Variants in TEX36 observed in about 807,000 individuals in gnomAD.
The protein encoded by TEX36 is testis-expressed protein 36.
In TEX36, 12 loss-of-function variants were observed where a neutral mutation model predicts 13.6. That is an observed-to-expected ratio of 0.88 (90% CI 0.56 to 1.43). The LOEUF is 1.43. Ranked by LOEUF, TEX36 falls within the 40% of genes most tolerant of loss-of-function variation. The probability of loss-of-function intolerance (pLI) is 0.00; values close to 1 mark genes in which losing one functional copy is unlikely to be tolerated. For synonymous variants in TEX36, 93 were observed against 83.0 expected, an observed-to-expected ratio of 1.12 and a Z score of -0.65; for missense variants, 224 against 228.3, an observed-to-expected ratio of 0.98 and a Z score of 0.12.
At chr10:125,637,718 A>T (rs964712197) in intron 3 of TEX36, among the ~76,000 whole-genome samples, 1 of 151,686 alleles carries the variant, frequency 6.6e-6, no homozygotes, top group Non-Finnish European at 1.5e-5. Flanking sequence ...GTCCAGTGGG[A>T]CCCCTGTGGT....
chr10:125,619,185 T>C (rs1457612700), downstream of TEX36, among the ~76,000 whole-genome samples: 1 of 151,998 alleles, frequency 6.6e-6, no homozygotes, highest in Non-Finnish European at 1.5e-5. Context: ...GAATATCCGT[T>C]ATTGGTTGAG....
intron 3 of TEX36, among the ~76,000 whole-genome samples, chr10:125,598,966 T>C (rs947525033): frequency 6.6e-6 from 1 of 152,178 alleles, no homozygotes; most frequent in Non-Finnish European, 1.5e-5. Flanking sequence ...TATTTTTCCA[T>C]AAATTGGAAA....
downstream of TEX36, among the ~76,000 whole-genome samples, chr10:125,651,834 G>A (rs550321929): frequency 6.6e-6 from 1 of 152,296 alleles, no homozygotes; most frequent in African/African-American, 2.4e-5. Flanking sequence ...AAAATCACAA[G>A]CATTCCTATA....
intron 3 of TEX36, among the ~76,000 whole-genome samples, chr10:125,577,278 C>A (rs1056254416): frequency 6.6e-6 from 1 of 152,156 alleles, no homozygotes; most frequent in African/African-American, 2.4e-5. Flanking sequence ...AGGAGGATTG[C>A]TTGAGCCCAG....
downstream of TEX36, among the ~76,000 whole-genome samples, chr10:125,618,651 G>C (rs370717902): frequency 4.6e-5 from 7 of 152,166 alleles, no homozygotes; most frequent in East Asian, 1.4e-3. Context: ...CTGCCTCCCA[G>C]CTCCACAGCC....
downstream of TEX36, among the ~76,000 whole-genome samples, chr10:125,653,099 A>G (rs570457912): frequency 9.2e-5 from 14 of 152,332 alleles, no homozygotes; most frequent in African/African-American, 2.4e-4. Flanking sequence ...AGGATGTAGA[A>G]CTAGAAATAC....
chr10:125,609,169 CAAAAAAA>C lies in TEX36; in HGVS notation c.265-32302_265-32296del, dbSNP rs869082542. On this transcript the variant is annotated intron_variant, in intron 3 of 3. Coordinates refer to the TEX36 transcript ENST00000532135. The stretch of plus-strand genomic sequence containing the variant: ...GACTCCATCTCAGGAAAAAACAAAA[CAAAAAAA>C]AAAAAACTTTTAAACTAAACAGGGG... Among the ~76,000 whole-genome samples, 2 of 59,142 alleles carry C rather than the reference CAAAAAAA, an allele frequency of 3.4e-5. 1 individual carries two copies. Among genetic ancestry groups the C allele is most frequent in the African/African-American group, 1.3e-4 (2 of 15,866 alleles). The allele number at this position is 59,142 out of a possible 152,430, so 38.8% of individuals were successfully genotyped here.
At chr10:125,593,238 C>T (rs560110476) in intron 3 of TEX36, among the ~76,000 whole-genome samples, 1 of 152,300 alleles carries the variant, frequency 6.6e-6, no homozygotes, top group African/African-American at 2.4e-5. Flanking sequence ...TTTGGGGATT[C>T]CAAGGATTTT....
intron 3 of TEX36, among the ~76,000 whole-genome samples, chr10:125,629,699 G>C (rs1433789486): frequency 6.6e-6 from 1 of 151,992 alleles, no homozygotes; most frequent in Non-Finnish European, 1.5e-5. Flanking sequence ...TAACTGTTAG[G>C]GATGAAGGCC....
At chr10:125,676,429 T>C (rs147538192) in intron 1 of TEX36, among the ~76,000 whole-genome samples, 18 of 152,350 alleles carry the variant, frequency 1.2e-4, no homozygotes, top group African/African-American at 4.1e-4. Flanking sequence ...ACAGCTACTG[T>C]TGTGCACTTT....
At position 125,677,025 on chromosome 10, in the gene TEX36, C is replaced by T. The variant is rs9422937; in HGVS notation, c.51+5914G>A. Among the ~76,000 whole-genome samples, 1,317 of 152,266 alleles carry T rather than the reference C, an allele frequency of 8.6e-3. 18 individuals carry two copies. Among genetic ancestry groups the T allele is most frequent in the African/African-American group, 0.029 (1,211 of 41,540 alleles). On this transcript the variant is annotated intron_variant, in intron 1 of 3. Coordinates refer to ENST00000368821, the MANE Select transcript of TEX36 (RefSeq NM_001128202.3). Reference sequence around the variant, plus strand: ...CTTTCAGCATTTTGAATATATCATCCTATTGTCTTATGACCTGTAAGGTTT... The same window carrying T: ...CTTTCAGCATTTTGAATATATCATCTTATTGTCTTATGACCTGTAAGGTTT...
At chr10:125,663,591 C>T (rs960533619) in intron 1 of TEX36, among the ~76,000 whole-genome samples, 3 of 152,162 alleles carry the variant, frequency 2.0e-5, no homozygotes, top group African/African-American at 7.2e-5. Flanking sequence ...AATAGCTATT[C>T]TGACTGGGAT....
chr10:125,609,866 T>A (rs996825586), intron 3 of TEX36, among the ~76,000 whole-genome samples: 22 of 152,028 alleles, frequency 1.4e-4, no homozygotes, highest in African/African-American at 4.6e-4. Flanking sequence ...GAGATATGAG[T>A]TTGGCAGGAC....
chr10:125,640,172 G>A (rs1328050706), intron 3 of TEX36: 1 of 985,338 alleles, frequency 1.0e-6, no homozygotes, highest in Non-Finnish European at 1.2e-6. Flanking sequence ...CCCAAGTGGA[G>A]TAGAAATCAT....
chr10:125,599,778 A>G (rs1846123342), intron 3 of TEX36, among the ~76,000 whole-genome samples: 1 of 152,196 alleles, frequency 6.6e-6, no homozygotes, highest in Admixed American at 6.5e-5. Context: ...CTGAATGCGC[A>G]ATGGTCAGAG....
chr10:125,607,824 C>T (rs763926019), intron 3 of TEX36, among the ~76,000 whole-genome samples: 3 of 152,016 alleles, frequency 2.0e-5, no homozygotes, highest in South Asian at 2.1e-4. Context: ...GCCTCCATGC[C>T]GTAAGCCTTT....
At chr10:125,678,646 T>C (rs1261991301) in intron 1 of TEX36, among the ~76,000 whole-genome samples, 1 of 151,886 alleles carries the variant, frequency 6.6e-6, no homozygotes, top group Non-Finnish European at 1.5e-5. Context: ...GTGGTGTGCA[T>C]TGATGTTGGC....
chr10:125,638,251 T>A (rs1197163427), intron 3 of TEX36, among the ~76,000 whole-genome samples: 1 of 151,262 alleles, frequency 6.6e-6, no homozygotes, highest in Non-Finnish European at 1.5e-5. Context: ...CTTCTCTCCT[T>A]CCCCATCCTC....
chr10:125,642,529 A>T (rs1017864005), intron 3 of TEX36, among the ~76,000 whole-genome samples: 4 of 152,134 alleles, frequency 2.6e-5, no homozygotes, highest in Non-Finnish European at 5.9e-5. Context: ...TATTTGTGTC[A>T]TTTTTTTAAG....
Sources: allele counts gnomAD v4.1 joint callset (sites outside exome capture counted in the v4.1 genomes callset), GRCh38; gene constraint gnomAD v4.1.1; transcripts MANE v1.5; gene names NCBI Gene and HGNC (gene_info 2026-07-23, HGNC 2026-07-21).